Variants in DNER observed in about 807,000 individuals in gnomAD.
DNER encodes the protein delta/notch like EGF repeat containing, also known as delta and Notch-like epidermal growth factor-related receptor.
A neutral mutation model predicts 78.2 loss-of-function variants in DNER; 33 were observed. That is an observed-to-expected ratio of 0.42 (90% CI 0.32 to 0.56). The LOEUF (loss-of-function observed/expected upper bound fraction) is 0.56. Among genes scored for constraint, DNER ranks in the 20% least tolerant of loss-of-function variants. The pLI is 0.11. For synonymous variants in DNER, 417 were observed against 384.8 expected (o/e 1.08, Z -0.98); for missense variants, 918 against 975.3 (o/e 0.94, Z 0.78).
intron 1 of DNER, among the ~76,000 whole-genome samples, chr2:229,690,986 C>CAGTAAAGCT (rs1186226958): frequency 6.6e-6 from 1 of 152,212 alleles, no homozygotes; most frequent in Admixed American, 6.5e-5. Flanking sequence ...AATGCTGTGT[C>CAGTAAAGCT]AGTAAAGCTA....
intron 5 of DNER, among the ~76,000 whole-genome samples, chr2:229,516,330 T>C (rs1486201661): frequency 6.6e-6 from 1 of 152,202 alleles, no homozygotes; most frequent in Admixed American, 6.5e-5. Flanking sequence ...TGTTCGCACA[T>C]CTTTTGTGAA....
chr2:229,508,759 T>C (rs558879588), intron 6 of DNER, among the ~76,000 whole-genome samples: 12 of 152,070 alleles, frequency 7.9e-5, no homozygotes, highest in Non-Finnish European at 1.5e-4. Context: ...CAAGCACCTG[T>C]AGTCCCAGCT....
chr2:229,457,405 G>A (rs910756837), intron 7 of DNER, among the ~76,000 whole-genome samples: 4 of 151,924 alleles, frequency 2.6e-5, no homozygotes, highest in African/African-American at 7.3e-5. Context: ...TTTTACTACC[G>A]TTAGGTTCTT....
Position 229,647,307 on chromosome 2 carries a change from C to T in DNER, c.277-55419G>A, listed in dbSNP as rs915597850. On this transcript the variant is annotated intron_variant, in intron 1 of 12. Coordinates refer to ENST00000341772, the MANE Select transcript of DNER (RefSeq NM_139072.4). ...ATCTAGGAAAAGAACAAGTCAGGCC[C>T]GAGGGGACAGCAAGGGCAAATTATT... 2.0e-5 allele frequency among the ~76,000 whole-genome samples: 3 copies of T among 152,056 alleles called. 1 individual carries two copies. The highest frequency in any genetic ancestry group is 3.8e-4 in the East Asian group (2 of 5,200).
intron 1 of DNER, among the ~76,000 whole-genome samples, chr2:229,658,226 C>T (rs1362174306): frequency 6.6e-6 from 1 of 152,224 alleles, no homozygotes; most frequent in Non-Finnish European, 1.5e-5. Flanking sequence ...TCAGCTGACT[C>T]TCTGACCTTA....
chr2:229,606,623 T>G (rs978168020), intron 1 of DNER, among the ~76,000 whole-genome samples: 2 of 152,186 alleles, frequency 1.3e-5, no homozygotes, highest in Non-Finnish European at 2.9e-5. Flanking sequence ...CCAGGCGCAG[T>G]GGCTCACATC....
intron 10 of DNER, among the ~76,000 whole-genome samples, chr2:229,398,807 CA>C (rs1420732044): frequency 1.3e-5 from 2 of 151,956 alleles, no homozygotes; most frequent in East Asian, 3.9e-4. Context: ...GAAAATCAAC[CA>C]AGCATATTAA....
chr2:229,484,568 G>A (rs907046597), intron 6 of DNER, among the ~76,000 whole-genome samples: 1 of 152,184 alleles, frequency 6.6e-6, no homozygotes, highest in Non-Finnish European at 1.5e-5. Context: ...CCCATATCCA[G>A]ACTTAATTCC....
chr2:229,633,950 G>A (rs1049157564), intron 1 of DNER, among the ~76,000 whole-genome samples: 1 of 152,180 alleles, frequency 6.6e-6, no homozygotes, highest in African/African-American at 2.4e-5. Context: ...CAAGCACATA[G>A]GCAACTGGCT....
chr2:229,397,463 C>CAAAAA (rs763572496), intron 10 of DNER, among the ~76,000 whole-genome samples: 57 of 96,594 alleles, frequency 5.9e-4, no homozygotes, highest in African/African-American at 1.9e-3. Flanking sequence ...CCAAACACTA[C>CAAAAA]AAAAAAAAAA....
intron 4 of DNER, among the ~76,000 whole-genome samples, chr2:229,581,072 T>C (rs937393610): frequency 1.3e-5 from 2 of 152,078 alleles, no homozygotes; most frequent in African/African-American, 4.8e-5. Flanking sequence ...GAACTATGCC[T>C]GAGGACAGGA....
intron 8 of DNER, among the ~76,000 whole-genome samples, chr2:229,439,401 C>A (rs1358528284): frequency 6.6e-6 from 1 of 152,208 alleles, no homozygotes; most frequent in Non-Finnish European, 1.5e-5. Context: ...TGTATCATTT[C>A]ATTTGAGCTT....
rs1036177017 is a variant in DNER, at chr2:229,698,895, A to G, written c.276+15253T>C. On this transcript the variant is annotated intron_variant, in intron 1 of 12. Coordinates refer to ENST00000341772, the MANE Select transcript of DNER (RefSeq NM_139072.4). Reference sequence around the variant, plus strand: ...CCCTTTTGCACAACCAAAAAAACCAATGGCCAATTTTAAAGAGTAAAAATG... The same window carrying G: ...CCCTTTTGCACAACCAAAAAAACCAGTGGCCAATTTTAAAGAGTAAAAATG... Among the ~76,000 whole-genome samples, 16 of 152,202 alleles carry G rather than the reference A, an allele frequency of 1.1e-4. 1 individual carries two copies.
rs1242973490 is a variant in DNER, at chr2:229,676,130, A to G, written c.276+38018T>C. On this transcript the variant is annotated intron_variant, in intron 1 of 12. Coordinates refer to ENST00000341772, the MANE Select transcript of DNER (RefSeq NM_139072.4). ...GTGCATGTCTATATTGGTGGGGTAGAAGGGAGCTAATGATTCTAAGTTTGA... is the reference window on the plus strand; with the variant it reads ...GTGCATGTCTATATTGGTGGGGTAGGAGGGAGCTAATGATTCTAAGTTTGA... Among the ~76,000 whole-genome samples, 9 of 152,326 alleles carry G rather than the reference A, an allele frequency of 5.9e-5. No individual in the cohort carries two copies. In the East Asian group the frequency reaches 1.5e-3, roughly 26 times the overall value.
At chr2:229,450,974 C>T (rs6717853) in intron 7 of DNER, among the ~76,000 whole-genome samples, 2 of 152,240 alleles carry the variant, frequency 1.3e-5, no homozygotes, top group South Asian at 4.1e-4. Flanking sequence ...TCTGTGTTCA[C>T]CACCCCAGCA....
At chr2:229,702,693 G>A (rs367708553) in intron 1 of DNER, among the ~76,000 whole-genome samples, 17 of 152,044 alleles carry the variant, frequency 1.1e-4, no homozygotes, top group African/African-American at 2.9e-4. Context: ...CGAGGCAGGC[G>A]GATCACGAGG....
intron 1 of DNER, among the ~76,000 whole-genome samples, chr2:229,695,851 G>A (rs909577568): frequency 4.3e-4 from 66 of 152,148 alleles, no homozygotes; most frequent in African/African-American, 1.5e-3. Flanking sequence ...CTTGACCTGA[G>A]GATGAAATTG....
At chr2:229,462,484 T>C (rs1694723761) in intron 7 of DNER, among the ~76,000 whole-genome samples, 1 of 152,084 alleles carries the variant, frequency 6.6e-6, no homozygotes, top group South Asian at 2.1e-4. Flanking sequence ...TGAACCCCCA[T>C]ATCCATCCAA....
chr2:229,542,872 G>A (rs1002624815), intron 5 of DNER, among the ~76,000 whole-genome samples: 3 of 151,634 alleles, frequency 2.0e-5, no homozygotes, highest in Non-Finnish European at 2.9e-5. Flanking sequence ...AACAGTGTGC[G>A]CCAAGGTGGT....
Sources: gnomAD v4.1 joint callset for allele counts (sites outside exome capture counted in the v4.1 genomes callset) on GRCh38, gnomAD v4.1.1 for gene constraint, MANE v1.5 for transcripts, NCBI Gene and HGNC (gene_info 2026-07-23, HGNC 2026-07-21) for gene names.